CSGALNACT1: variants seen among roughly 807,000 people sequenced by gnomAD.
The protein encoded by CSGALNACT1 is chondroitin sulfate N-acetylgalactosaminyltransferase 1.
In CSGALNACT1, 52 loss-of-function variants were observed where a neutral mutation model predicts 51.0. That is an observed-to-expected ratio of 1.02 (90% CI 0.82 to 1.29). CSGALNACT1 has a LOEUF of 1.29. Ranked by LOEUF, CSGALNACT1 falls within the 50% of genes most tolerant of loss-of-function variation. CSGALNACT1 has a pLI of 0.00. For synonymous variants in CSGALNACT1, 341 were observed against 254.4 expected, an observed-to-expected ratio of 1.34 and a Z score of -3.24; for missense variants, 935 against 679.2, an observed-to-expected ratio of 1.38 and a Z score of -4.19.
At chr8:19,660,518 A>G (rs780560380) in intron 1 of CSGALNACT1, among the ~76,000 whole-genome samples, 8 of 152,164 alleles carry the variant, frequency 5.3e-5, no homozygotes, top group Non-Finnish European at 7.3e-5. Context: ...GAGGAATACC[A>G]ATGCTTTGCC....
At chr8:19,461,241 G>T (rs991045212) in intron 4 of CSGALNACT1, among the ~76,000 whole-genome samples, 1 of 152,202 alleles carries the variant, frequency 6.6e-6, no homozygotes, top group Admixed American at 6.5e-5. Flanking sequence ...CTTTGAAAAC[G>T]TTAAGTGTTT....
In CSGALNACT1 at chr8:19,757,401, TC is replaced by T. The variant is rs1382508838; in HGVS notation, c.-297+448del. ...GCCTGGCGCCCCGCCGCAGGGTAGG[TC>T]CGGCGGGGGCGGCCAAGGCCGGGCT... On this transcript the variant is annotated intron_variant, in intron 1 of 1. Transcript: ENST00000517494. This position sits in a 1 kb window ranked among gnomAD's most constrained non-coding sequence, Gnocchi z 4.0. 6.6e-6 allele frequency: 1 copy of T among 151,960 alleles called. No homozygotes were observed. Among genetic ancestry groups the T allele is most frequent in the African/African-American group, 2.4e-5 (1 of 41,220 alleles). 9.4% of individuals were successfully genotyped at this position (151,960 alleles called of 1,614,324 possible). A position where few individuals can be genotyped will look rare whatever the true frequency, so the allele number is the denominator to read the frequency against.
chr8:19,499,612 A>C (rs1387661840), intron 4 of CSGALNACT1, among the ~76,000 whole-genome samples: 2 of 152,224 alleles, frequency 1.3e-5, no homozygotes, highest in East Asian at 3.8e-4. Flanking sequence ...CAGAGGCTCC[A>C]TCTGCCCCAG....
intron 6 of CSGALNACT1, among the ~76,000 whole-genome samples, chr8:19,438,333 C>T (rs540497723): frequency 4.0e-4 from 61 of 152,276 alleles, no homozygotes; most frequent in African/African-American, 1.4e-3. Context: ...TAGGAATTGA[C>T]ATTGACAGAG....
chr8:19,520,543 A>T (rs1038833486), intron 3 of CSGALNACT1, among the ~76,000 whole-genome samples: 1 of 152,272 alleles, frequency 6.6e-6, no homozygotes, highest in Non-Finnish European at 1.5e-5. Flanking sequence ...ATTAGCTAAA[A>T]AACATTTCAA....
chr8:19,582,412 T>G (rs1271302775), intron 3 of CSGALNACT1, among the ~76,000 whole-genome samples: 3 of 152,182 alleles, frequency 2.0e-5, no homozygotes, highest in Non-Finnish European at 4.4e-5. Context: ...TATTGCTTAT[T>G]TCCCCTCAAA....
chr8:19,411,393 C>T (rs1425588397), intron 8 of CSGALNACT1, among the ~76,000 whole-genome samples: 1 of 152,202 alleles, frequency 6.6e-6, no homozygotes, highest in Non-Finnish European at 1.5e-5. Flanking sequence ...ACTACATCTC[C>T]AGCACCCAGA....
intron 5 of CSGALNACT1, chr8:19,457,570 G>T: frequency 1.3e-6 from 1 of 780,730 alleles, no homozygotes; most frequent in Non-Finnish European, 1.9e-6. Context: ...CAGAGTTCGT[G>T]CCACTGCACT....
intron 4 of CSGALNACT1, among the ~76,000 whole-genome samples, chr8:19,486,278 A>C (rs2072914114): frequency 1.3e-5 from 2 of 151,886 alleles, no homozygotes; most frequent in African/African-American, 4.8e-5. Flanking sequence ...TGGTCCAGCC[A>C]CTCTCACCTG....
intron 3 of CSGALNACT1, among the ~76,000 whole-genome samples, chr8:19,523,701 T>C (rs1033002124): frequency 1.3e-5 from 2 of 152,210 alleles, no homozygotes; most frequent in African/African-American, 4.8e-5. Context: ...ATTAAATGCT[T>C]ACTGCATGGA....
At chr8:19,522,696 C>T (rs191833075) in intron 3 of CSGALNACT1, among the ~76,000 whole-genome samples, 4 of 152,336 alleles carry the variant, frequency 2.6e-5, no homozygotes, top group Admixed American at 6.5e-5. Flanking sequence ...TGCAAAGTCA[C>T]TCTTCAAGTG....
chr8:19,534,022 T>A (rs2083287280), intron 3 of CSGALNACT1, among the ~76,000 whole-genome samples: 1 of 152,142 alleles, frequency 6.6e-6, no homozygotes, highest in Non-Finnish European at 1.5e-5. Context: ...AGATGCAGAA[T>A]TTGGTCTTAT....
chr8:19,504,319 G>A lies in CSGALNACT1; in HGVS notation c.634+882C>T, dbSNP rs111723485. On this transcript the variant is annotated intron_variant, in intron 4 of 9. Coordinates refer to ENST00000454498, the Ensembl canonical transcript of CSGALNACT1. Reference sequence around the variant, plus strand: ...TCTCGATCTCCCGACCTCATGATCCGCCTGCCTGGGCCTCCCAAAGTGCTG... The same window carrying A: ...TCTCGATCTCCCGACCTCATGATCCACCTGCCTGGGCCTCCCAAAGTGCTG... 8.9e-4 allele frequency among the ~76,000 whole-genome samples: 135 copies of A among 152,170 alleles called. 1 individual carries two copies. Among genetic ancestry groups the A allele is most frequent in the Middle Eastern group, 6.8e-3 (2 of 294 alleles).
At chr8:19,505,981 C>A in exon 4 of CSGALNACT1, 2 of 873,108 alleles carry the variant, frequency 2.3e-6, no homozygotes, top group Non-Finnish European at 3.7e-6. Flanking sequence ...ACGAGTTCTG[C>A]CTCTTGGAGT....
intron 1 of CSGALNACT1, among the ~76,000 whole-genome samples, chr8:19,670,650 CAAAAAAAAA>C (rs752256046): frequency 1.3e-4 from 12 of 92,848 alleles, no homozygotes; most frequent in African/African-American, 4.7e-4. Flanking sequence ...CTACTGAAGA[CAAAAAAAAA>C]AAAAAAAAAA....
At chr8:19,707,964 C>T (rs975008488) in intron 1 of CSGALNACT1, among the ~76,000 whole-genome samples, 14 of 152,116 alleles carry the variant, frequency 9.2e-5, no homozygotes, top group South Asian at 8.3e-4. Context: ...GCTGAGATGG[C>T]GCCACTGCAC....
At chr8:19,629,552 C>T (rs1204079557) in intron 1 of CSGALNACT1, among the ~76,000 whole-genome samples, 1 of 152,226 alleles carries the variant, frequency 6.6e-6, no homozygotes, top group East Asian at 1.9e-4. Flanking sequence ...GCATATCTGC[C>T]TTTACAACTC....
At chr8:19,511,562 G>T (rs1284519365) in intron 3 of CSGALNACT1, among the ~76,000 whole-genome samples, 1 of 152,150 alleles carries the variant, frequency 6.6e-6, no homozygotes, top group Admixed American at 6.5e-5. Flanking sequence ...GCTTCATTTA[G>T]AATTCCCTCT....
At chr8:19,497,333 T>C (rs1262574088) in intron 4 of CSGALNACT1, among the ~76,000 whole-genome samples, 2 of 151,974 alleles carry the variant, frequency 1.3e-5, no homozygotes, top group East Asian at 3.9e-4. Context: ...GAACAGACAA[T>C]ACTCAGGGAA....
Sources: gnomAD v4.1 joint callset for allele counts (sites outside exome capture counted in the v4.1 genomes callset) on GRCh38, gnomAD v4.1.1 for gene constraint, Gnocchi (gnomAD v3.1) non-coding constraint, MANE v1.5 for transcripts, NCBI Gene and HGNC (gene_info 2026-07-23, HGNC 2026-07-21) for gene names.